Variants in ARFGEF1 observed in about 807,000 individuals in gnomAD.
ARFGEF1 encodes ARF guanine nucleotide exchange factor 1, also known as brefeldin A-inhibited guanine nucleotide-exchange protein 1.
Under a neutral mutation model 231.0 loss-of-function variants are expected in ARFGEF1, and 42 were observed. The observed-to-expected ratio is 0.18, with a 90% CI of 0.14 to 0.24. ARFGEF1 has a LOEUF of 0.24. Among genes scored for constraint, ARFGEF1 ranks in the 10% least tolerant of loss-of-function variants. ARFGEF1 has a pLI of 1.00. For missense variants in ARFGEF1, 1,345 were observed against 2,192.0 expected (o/e 0.61, Z 7.72); for synonymous variants, 710 against 732.3 (o/e 0.97, Z 0.49).
chr8:67,230,049 G>A (rs1839505349), intron 23 of ARFGEF1, among the ~76,000 whole-genome samples: 1 of 151,958 alleles, frequency 6.6e-6, no homozygotes, highest in African/African-American at 2.4e-5. Flanking sequence ...AAGGTTGGGG[G>A]AGCATCCATT....
intron 10 of ARFGEF1, among the ~76,000 whole-genome samples, chr8:67,269,612 A>G (rs1422365534): frequency 2.0e-5 from 3 of 151,954 alleles, no homozygotes; most frequent in African/African-American, 7.3e-5. Context: ...CGGCCTCCCA[A>G]AGTGCTGGGA....
At position 67,236,349 on chromosome 8, in the gene ARFGEF1, TAAA is replaced by T. The variant is rs1554638965; in HGVS notation, c.3289+1991_3289+1993del. On this transcript the variant is annotated intron_variant, in intron 22 of 38. Transcript: ENST00000262215. ...AAAAAAAAAAAAAAAAGATATTAGT[TAAA>T]AAAAAAAAAAAAAATATATATATAT... Among the ~76,000 whole-genome samples, 128 of 13,934 alleles carry T rather than the reference TAAA, an allele frequency of 9.2e-3. 2 individuals carry two copies. Among genetic ancestry groups the T allele is most frequent in the East Asian group, 0.013 (3 of 234 alleles). 9.1% of individuals were successfully genotyped at this position (13,934 alleles called of 152,430 possible).
At chr8:67,201,440 G>C (rs997295521) in intron 37 of ARFGEF1, 27 bp downstream of exon 37, 1 of 1,593,878 alleles carries the variant, frequency 6.3e-7, no homozygotes, top group Non-Finnish European at 8.5e-7. Context: ...TACCTGGTCA[G>C]AGATGGAAAT....
chr8:67,273,500 C>T (rs1434142139), intron 9 of ARFGEF1, among the ~76,000 whole-genome samples: 1 of 150,576 alleles, frequency 6.6e-6, no homozygotes, highest in Non-Finnish European at 1.5e-5. Flanking sequence ...ACTTAATTGC[C>T]CTTGATTTCC....
At chr8:67,224,410 T>A (rs1839304590) in intron 29 of ARFGEF1, among the ~76,000 whole-genome samples, 1 of 152,222 alleles carries the variant, frequency 6.6e-6, no homozygotes, top group African/African-American at 2.4e-5. Flanking sequence ...ATGTTCATAA[T>A]GATCTTTTAT....
downstream of ARFGEF1, chr8:67,195,750 T>C: frequency 1.6e-6 from 1 of 611,046 alleles, no homozygotes. Flanking sequence ...ATTATGTACA[T>C]AAATAAAAGG....
chr8:67,291,979 C>G lies in ARFGEF1; in HGVS notation c.784G>C (p.Glu262Gln). Residue 262 changes from glutamate (E) to glutamine (Q), a missense_variant, in exon 6 of 39, where the codon GAA (glutamate) becomes CAA (glutamine). Transcript: ENST00000262215. ...QTVDHISQEH[E>Q]GDLDLHTNDV... ...TTTGTATGGAGGTCAAGGTCCCCTTCGTGTTCTTGGGATATATGATCAACA... is the reference window on the plus strand; with the variant it reads ...TTTGTATGGAGGTCAAGGTCCCCTTGGTGTTCTTGGGATATATGATCAACA... 1 of 1,613,920 alleles carries G rather than the reference C, an allele frequency of 6.2e-7. No individual in the cohort carries two copies. The highest frequency in any genetic ancestry group is 8.5e-7 in the Non-Finnish European group (1 of 1,179,904).
intron 1 of ARFGEF1, among the ~76,000 whole-genome samples, chr8:67,304,349 C>T (rs1237204953): frequency 2.0e-5 from 3 of 152,202 alleles, no homozygotes; most frequent in African/African-American, 7.2e-5. Flanking sequence ...TTTCTGTGAA[C>T]CAAACCCCTT....
At chr8:67,176,681 G>A (rs951167183) in intron 5 of ARFGEF1, among the ~76,000 whole-genome samples, 23 of 152,132 alleles carry the variant, frequency 1.5e-4, no homozygotes, top group African/African-American at 4.8e-4. Flanking sequence ...TAGTCCCCAT[G>A]TGGATACAGG....
chr8:67,267,383 G>C lies in ARFGEF1; in HGVS notation c.1632C>G (p.His544Gln). ...ILETSTSSFDHKWMVIQTLTR... is the reference protein window; with the variant it reads ...ILETSTSSFDQKWMVIQTLTR... ...TCAGTGTCTGAATAACCATCCATTT[G>C]TGATCAAATGAGCTGGTAGAAGTTT... The change falls in exon 11 of 39, where the codon CAC becomes CAG. Residue 544 changes from histidine to glutamine, a missense_variant. His to Gln is a conservative substitution (Grantham distance 24). Around this residue, in one of 14 missense-constraint regions of ARFGEF1, gnomAD observed 141 missense variants for 259.9 expected, o/e 0.54. Transcript: ENST00000262215. 1 of 1,612,062 alleles carries C rather than the reference G, an allele frequency of 6.2e-7. No homozygotes were observed. The highest frequency in any genetic ancestry group is 8.5e-7 in the Non-Finnish European group (1 of 1,179,222).
intron 18 of ARFGEF1, among the ~76,000 whole-genome samples, chr8:67,252,112 A>G (rs747067900): frequency 2.8e-4 from 42 of 152,078 alleles, no homozygotes; most frequent in Non-Finnish European, 5.6e-4. Context: ...TCTACTAAAA[A>G]TACAAAAAAA....
intron 33 of ARFGEF1, among the ~76,000 whole-genome samples, chr8:67,215,774 A>G (rs919886497): frequency 1.3e-5 from 2 of 152,204 alleles, no homozygotes; most frequent in Non-Finnish European, 2.9e-5. Context: ...GAACCATGAG[A>G]TAGTAGGTTT....
chr8:67,335,850 G>T (rs1056033448), intron 1 of ARFGEF1, among the ~76,000 whole-genome samples: 12 of 151,698 alleles, frequency 7.9e-5, no homozygotes, highest in African/African-American at 2.9e-4. Context: ...AGGTTCAAGC[G>T]ATTCTCCTGC....
chr8:67,246,469 C>T (rs1453253088), intron 19 of ARFGEF1, among the ~76,000 whole-genome samples: 1 of 150,248 alleles, frequency 6.7e-6, no homozygotes, highest in East Asian at 1.9e-4. Context: ...AGAAACAACA[C>T]AAACACATGA....
chr8:67,246,183 C>A (rs1840100688), intron 19 of ARFGEF1, among the ~76,000 whole-genome samples: 1 of 150,342 alleles, frequency 6.7e-6, no homozygotes, highest in Admixed American at 6.6e-5. Flanking sequence ...ACTTCAACAC[C>A]TCATTTTCCA....
intron 29 of ARFGEF1, among the ~76,000 whole-genome samples, chr8:67,222,204 TACACAC>T (rs1376525855): frequency 8.7e-6 from 1 of 114,430 alleles, no homozygotes; most frequent in African/African-American, 3.5e-5. Flanking sequence ...TATATATATA[TACACAC>T]ACATATATAT....
intron 1 of ARFGEF1, among the ~76,000 whole-genome samples, chr8:67,320,725 G>A (rs374747489): frequency 8.4e-4 from 128 of 152,322 alleles, no homozygotes; most frequent in Middle Eastern, 6.8e-3. Context: ...GGGAGGCTGA[G>A]GCAGGTGGAT....
chr8:67,330,412 T>C (rs899518641), intron 1 of ARFGEF1, among the ~76,000 whole-genome samples: 3 of 152,054 alleles, frequency 2.0e-5, no homozygotes, highest in African/African-American at 7.2e-5. Flanking sequence ...GTCATAAAAA[T>C]GGGGATTGAG....
At chr8:67,220,896 T>TC (rs560528338) in intron 29 of ARFGEF1, among the ~76,000 whole-genome samples, 11 of 129,752 alleles carry the variant, frequency 8.5e-5, no homozygotes, top group African/African-American at 3.6e-4. Context: ...TTTTTCCTTT[T>TC]CTTTTTTTTT....
Sources: allele counts gnomAD v4.1 joint callset (sites outside exome capture counted in the v4.1 genomes callset), GRCh38; gene constraint gnomAD v4.1.1; regional missense constraint gnomAD v4.1.1; transcripts MANE v1.5; gene names NCBI Gene and HGNC (gene_info 2026-07-23, HGNC 2026-07-21).